MAP2: variants seen among roughly 807,000 people sequenced by gnomAD.
The protein encoded by MAP2 is microtubule-associated protein 2.
Under a neutral mutation model 137.6 loss-of-function variants are expected in MAP2, and 14 were observed. The observed-to-expected ratio is 0.10, with a 90% confidence interval of 0.07 to 0.16. MAP2 has a LOEUF of 0.16. Ranked by LOEUF, MAP2 falls within the 10% of genes least tolerant of loss-of-function variation. MAP2 has a pLI of 1.00. For synonymous variants in MAP2, 786 were observed against 782.3 expected (o/e 1.00, Z -0.08); for missense variants, 2,088 against 2,191.5 (o/e 0.95, Z 0.94).
In MAP2 at chr2:209,504,574, C is replaced by T. The variant is rs117143921; in HGVS notation, c.-221-3018C>T. Among the ~76,000 whole-genome samples, 48 of 152,226 alleles carry T rather than the reference C, an allele frequency of 3.2e-4. 2 individuals are homozygous for T. The East Asian group carries it at 9.1e-3, about 29-fold the overall frequency. ...ATCCTGGTATTCATTGCTCAGTATGCATTTATCAATTGTAGAGCAGGTTTT... is the reference window on the plus strand; with the variant it reads ...ATCCTGGTATTCATTGCTCAGTATGTATTTATCAATTGTAGAGCAGGTTTT... On this transcript the variant is annotated intron_variant, in intron 1 of 15. Transcript: ENST00000682079.
rs751726083 is a variant in MAP2, at chr2:209,694,569, C to T, written c.2399C>T (p.Thr800Ile). 7 of 1,614,044 alleles carry T rather than the reference C, an allele frequency of 4.3e-6. No homozygotes were observed. Among genetic ancestry groups the T allele is most frequent in the Non-Finnish European group, 3.4e-6 (4 of 1,179,940 alleles). ...FLAKDFYKNG[T>I]VMAPDLPEML... The stretch of plus-strand genomic sequence containing the variant: ...GCCAAAGATTTTTACAAAAATGGTA[C>T]TGTCATGGCACCTGACCTTCCTGAA... Residue 800 changes from threonine to isoleucine, a missense_variant, in exon 8 of 16, where the codon ACT becomes ATT. Transcript: ENST00000682079.
At chr2:209,717,252 GA>G (rs2068050406) in intron 13 of MAP2, among the ~76,000 whole-genome samples, 1 of 152,082 alleles carries the variant, frequency 6.6e-6, no homozygotes, top group Non-Finnish European at 1.5e-5. Flanking sequence ...GGCAGAATAG[GA>G]ACTTTCACTC....
At chr2:209,528,363 T>A (rs2064429606) in intron 2 of MAP2, among the ~76,000 whole-genome samples, 1 of 152,226 alleles carries the variant, frequency 6.6e-6, no homozygotes, top group Non-Finnish European at 1.5e-5. Flanking sequence ...TAGTCTTCTT[T>A]CTTGGAAATT....
chr2:209,594,917 C>T (rs899887417), intron 3 of MAP2, among the ~76,000 whole-genome samples: 4 of 152,112 alleles, frequency 2.6e-5, no homozygotes, highest in African/African-American at 4.8e-5. Context: ...AAGACTTTCT[C>T]ATGGATCCAG....
chr2:209,606,268 T>C (rs1205548050), intron 3 of MAP2, among the ~76,000 whole-genome samples: 1 of 152,214 alleles, frequency 6.6e-6, no homozygotes, highest in Non-Finnish European at 1.5e-5. Context: ...TAAATATGTG[T>C]CTATGGTTAA....
intron 10 of MAP2, 139 bp from the exon 11 acceptor site, chr2:209,700,138 G>T: frequency 1.6e-6 from 1 of 617,984 alleles, no homozygotes; most frequent in Non-Finnish European, 2.9e-6. Flanking sequence ...TTGAGTTATT[G>T]AATTTGAGTC....
chr2:209,630,791 G>T (rs1483285592), intron 4 of MAP2, among the ~76,000 whole-genome samples: 1 of 151,682 alleles, frequency 6.6e-6, no homozygotes, highest in Non-Finnish European at 1.5e-5. Context: ...TTTAGGGAGT[G>T]TTCACTACAT....
intron 1 of MAP2, among the ~76,000 whole-genome samples, chr2:209,491,693 A>C (rs1195610983): frequency 6.6e-6 from 1 of 152,364 alleles, no homozygotes; most frequent in Admixed American, 6.5e-5. Flanking sequence ...TAGACAATCT[A>C]GAAGAAATGG....
chr2:209,666,748 A>T (rs1469877142), intron 5 of MAP2, among the ~76,000 whole-genome samples: 1 of 151,842 alleles, frequency 6.6e-6, no homozygotes, highest in Non-Finnish European at 1.5e-5. Flanking sequence ...TAATTTTTTT[A>T]TGTGAAGAAA....
At chr2:209,571,669 T>C (rs568643594) in intron 2 of MAP2, among the ~76,000 whole-genome samples, 3 of 152,162 alleles carry the variant, frequency 2.0e-5, no homozygotes, top group East Asian at 1.9e-4. Context: ...TTCATAATTA[T>C]AGTTCATGTG....
At chr2:209,686,618 C>T (rs2057114923) in intron 7 of MAP2, among the ~76,000 whole-genome samples, 1 of 152,156 alleles carries the variant, frequency 6.6e-6, no homozygotes, top group South Asian at 2.1e-4. Flanking sequence ...GTAACGTCTG[C>T]ACCACATCAG....
At chr2:209,609,932 C>T (rs886999160) in intron 3 of MAP2, among the ~76,000 whole-genome samples, 16 of 151,962 alleles carry the variant, frequency 1.1e-4, no homozygotes, top group African/African-American at 2.7e-4. Flanking sequence ...CTTTCATATG[C>T]GTAATACATA....
At chr2:209,534,130 C>T (rs185580714) in intron 2 of MAP2, among the ~76,000 whole-genome samples, 5 of 152,266 alleles carry the variant, frequency 3.3e-5, no homozygotes, top group Admixed American at 2.0e-4. Flanking sequence ...ATTCCTGAGC[C>T]CTGCAAGTAA....
intron 5 of MAP2, among the ~76,000 whole-genome samples, chr2:209,668,269 A>G (rs186699300): frequency 6.6e-6 from 1 of 152,158 alleles, no homozygotes; most frequent in African/African-American, 2.4e-5. Flanking sequence ...TATCAATGAG[A>G]AGCAATACAG....
chr2:209,656,893 C>T (rs913842065), intron 5 of MAP2, among the ~76,000 whole-genome samples: 4 of 152,046 alleles, frequency 2.6e-5, no homozygotes, highest in African/African-American at 9.7e-5. Flanking sequence ...GAACATTGTA[C>T]TCAATAGGTA....
intron 3 of MAP2, among the ~76,000 whole-genome samples, chr2:209,601,592 G>T (rs539067361): frequency 6.6e-6 from 1 of 152,132 alleles, no homozygotes; most frequent in Non-Finnish European, 1.5e-5. Context: ...GTGGTCCTGG[G>T]TGTTTTTATT....
chr2:209,445,375 A>G (rs1411935405), intron 1 of MAP2, among the ~76,000 whole-genome samples: 1 of 151,730 alleles, frequency 6.6e-6, no homozygotes, highest in East Asian at 1.9e-4. Flanking sequence ...CAAAAGCTAC[A>G]TTATAATTAT....
rs557421610 is a variant in MAP2 at position 209,507,133 on chromosome 2, A to G, written c.-221-459A>G. 2.6e-5 allele frequency among the ~76,000 whole-genome samples: 4 copies of G among 152,248 alleles called. No homozygotes were observed. The East Asian group carries it at 7.7e-4, about 29-fold the overall frequency. Reference sequence around the variant, plus strand: ...CAAAGGCCCCACCTCCAAATATCACATTGGGGGATTAGGATCTCAACATAT... The same window carrying G: ...CAAAGGCCCCACCTCCAAATATCACGTTGGGGGATTAGGATCTCAACATAT... On this transcript the variant is annotated intron_variant, in intron 1 of 15. Coordinates refer to ENST00000682079, the MANE Select transcript of MAP2 (RefSeq NM_001375505.1).
chr2:209,438,975 AT>A (rs1199857856), intron 1 of MAP2, among the ~76,000 whole-genome samples: 1 of 151,388 alleles, frequency 6.6e-6, no homozygotes, highest in Non-Finnish European at 1.5e-5. Flanking sequence ...TCTAATAAAA[AT>A]TTCATTTTGC....
Sources: allele counts gnomAD v4.1 joint callset (sites outside exome capture counted in the v4.1 genomes callset), GRCh38; gene constraint gnomAD v4.1.1; transcripts MANE v1.5; gene names NCBI Gene and HGNC (gene_info 2026-07-23, HGNC 2026-07-21).